The following DNAJC1 variants were observed in gnomAD, a reference collection of about 807,000 sequenced individuals.
The protein encoded by DNAJC1 is DnaJ heat shock protein family (Hsp40) member C1, also known as dnaJ homolog subfamily C member 1.
In DNAJC1, 58 loss-of-function variants were observed where a neutral mutation model predicts 76.6. That is an observed-to-expected ratio of 0.76 (90% CI 0.61 to 0.94). The LOEUF is 0.94. Among genes scored for constraint, DNAJC1 ranks in the 40% least tolerant of loss-of-function variants. DNAJC1 has a pLI of 0.00. For synonymous variants in DNAJC1, 258 were observed against 267.9 expected, an observed-to-expected ratio of 0.96 and a Z score of 0.36; for missense variants, 689 against 677.3, an observed-to-expected ratio of 1.02 and a Z score of -0.19.
At chr10:21,870,270 A>AT (rs1278716174) in intron 8 of DNAJC1, among the ~76,000 whole-genome samples, 1 of 152,068 alleles carries the variant, frequency 6.6e-6, no homozygotes, top group African/African-American at 2.4e-5. Context: ...ATAAATAAAA[A>AT]TTTTTTAGCA....
chr10:21,880,712 T>C (rs1308906801), intron 8 of DNAJC1, among the ~76,000 whole-genome samples: 1 of 152,208 alleles, frequency 6.6e-6, no homozygotes, highest in Non-Finnish European at 1.5e-5. Context: ...GTTCCATTTA[T>C]AGAGCACAGA....
intron 8 of DNAJC1, among the ~76,000 whole-genome samples, chr10:21,809,381 ATAAT>A (rs1264603860): frequency 1.3e-5 from 2 of 151,986 alleles, no homozygotes; most frequent in African/African-American, 2.4e-5. Flanking sequence ...CCTATTAATA[ATAAT>A]TATTTATATA....
intron 8 of DNAJC1, among the ~76,000 whole-genome samples, chr10:21,840,591 C>G (rs577426271): frequency 2.0e-5 from 3 of 151,978 alleles, no homozygotes; most frequent in Admixed American, 6.6e-5. Flanking sequence ...CACTGCTCAA[C>G]GAAATAAAAG....
chr10:21,998,680 A>G (rs897361072), intron 1 of DNAJC1, among the ~76,000 whole-genome samples: 2 of 152,136 alleles, frequency 1.3e-5, no homozygotes, highest in African/African-American at 4.8e-5. Context: ...ACCCCCCAAC[A>G]AAGACTTCTG....
At chr10:21,773,721 G>T (rs1191930374) in intron 9 of DNAJC1, among the ~76,000 whole-genome samples, 1 of 150,944 alleles carries the variant, frequency 6.6e-6, no homozygotes, top group Non-Finnish European at 1.5e-5. Flanking sequence ...ATGTATTTTG[G>T]TGTTCTGTTA....
At chr10:21,918,298 C>T (rs1317090359) in intron 6 of DNAJC1, among the ~76,000 whole-genome samples, 1 of 151,138 alleles carries the variant, frequency 6.6e-6, no homozygotes, top group Non-Finnish European at 1.5e-5. Flanking sequence ...GACAAAATGT[C>T]CTCACTCCTC....
chr10:21,987,232 C>T (rs1838263365), intron 1 of DNAJC1, among the ~76,000 whole-genome samples: 1 of 152,224 alleles, frequency 6.6e-6, no homozygotes, highest in African/African-American at 2.4e-5. Flanking sequence ...AAATCAAATA[C>T]AATATAAAAT....
intron 8 of DNAJC1, among the ~76,000 whole-genome samples, chr10:21,875,258 A>T (rs1836167590): frequency 6.6e-6 from 1 of 152,118 alleles, no homozygotes; most frequent in African/African-American, 2.4e-5. Context: ...TGGACTCAAG[A>T]GATCCTCGTG....
chr10:21,892,283 T>C (rs1836473740), intron 7 of DNAJC1, among the ~76,000 whole-genome samples: 1 of 151,600 alleles, frequency 6.6e-6, no homozygotes, highest in Admixed American at 6.6e-5. Context: ...AAAAATACAA[T>C]AGCAGACTTA....
intron 8 of DNAJC1, among the ~76,000 whole-genome samples, chr10:21,813,127 C>T: frequency 2.3e-5 from 2 of 87,376 alleles, no homozygotes; most frequent in Admixed American, 1.3e-4. Flanking sequence ...ACAGCTTCTG[C>T]CTTGCTCTTT....
intron 8 of DNAJC1, among the ~76,000 whole-genome samples, chr10:21,871,118 C>T (rs1321546917): frequency 6.6e-6 from 1 of 152,008 alleles, no homozygotes; most frequent in African/African-American, 2.4e-5. Context: ...AAAAAATTTA[C>T]AGAATATTGT....
At chr10:21,973,244 T>A (rs936949271) in intron 1 of DNAJC1, among the ~76,000 whole-genome samples, 2 of 152,170 alleles carry the variant, frequency 1.3e-5, no homozygotes, top group Admixed American at 6.5e-5. Context: ...GTCTTTCCTA[T>A]GTGACTCCTG....
intron 1 of DNAJC1, among the ~76,000 whole-genome samples, chr10:21,951,104 A>C (rs1490104591): frequency 6.6e-6 from 1 of 152,146 alleles, no homozygotes; most frequent in Non-Finnish European, 1.5e-5. Context: ...GGCGGATCAC[A>C]AAGTCAGGAG....
intron 1 of DNAJC1, among the ~76,000 whole-genome samples, chr10:21,937,816 T>G (rs1373237339): frequency 2.0e-5 from 3 of 152,150 alleles, no homozygotes; most frequent in Non-Finnish European, 4.4e-5. Flanking sequence ...AAAAGGAAAT[T>G]TGAAAAATTC....
chr10:21,862,138 G>A lies in DNAJC1; in HGVS notation c.978+20144C>T, dbSNP rs538526194. Among the ~76,000 whole-genome samples, 10 of 151,966 alleles carry A rather than the reference G, an allele frequency of 6.6e-5. No individual in the cohort carries two copies. The East Asian group carries it at 9.7e-4, about 15-fold the overall frequency. The stretch of plus-strand genomic sequence containing the variant: ...TCTCCTTGTTGTTTAGGCTGGTCTC[G>A]AACTCCCAACCTCAGGTGATCCGCC... On this transcript the variant is annotated intron_variant, in intron 8 of 11. Transcript: ENST00000376980.
intron 9 of DNAJC1, among the ~76,000 whole-genome samples, chr10:21,801,268 G>T (rs549681878): frequency 1.2e-3 from 179 of 152,140 alleles, no homozygotes; most frequent in Middle Eastern, 3.4e-3. Context: ...TCTGACAAAG[G>T]TCTAATATCC....
intron 9 of DNAJC1, among the ~76,000 whole-genome samples, chr10:21,797,676 T>C (rs1052686223): frequency 5.9e-5 from 9 of 152,136 alleles, no homozygotes; most frequent in Non-Finnish European, 1.0e-4. Flanking sequence ...GAGTGGGTTA[T>C]TGCAGGAGTG....
chr10:21,833,188 C>G (rs1483720723), intron 8 of DNAJC1, among the ~76,000 whole-genome samples: 4 of 152,258 alleles, frequency 2.6e-5, no homozygotes, highest in African/African-American at 9.6e-5. Context: ...AGCATGAGTT[C>G]TGGCTGGGCG....
At chr10:21,795,802 C>CAG (rs1834744749) in intron 9 of DNAJC1, among the ~76,000 whole-genome samples, 1 of 152,172 alleles carries the variant, frequency 6.6e-6, no homozygotes, top group Non-Finnish European at 1.5e-5. Flanking sequence ...TCCCTCCCTT[C>CAG]AGCTCCTGGC....
Sources: gnomAD v4.1 joint callset for allele counts (sites outside exome capture counted in the v4.1 genomes callset) on GRCh38, gnomAD v4.1.1 for gene constraint, MANE v1.5 for transcripts, NCBI Gene and HGNC (gene_info 2026-07-23, HGNC 2026-07-21) for gene names.